Variants in ALK observed in about 807,000 individuals in gnomAD.
ALK encodes ALK tyrosine kinase receptor.
Under a neutral mutation model 163.1 loss-of-function variants are expected in ALK, and 74 were observed. The ratio of observed to expected loss-of-function variants is 0.45; its 90% CI spans 0.38 to 0.55. The LOEUF is 0.55. Among genes scored for constraint, ALK ranks in the 20% least tolerant of loss-of-function variants. The probability of loss-of-function intolerance (pLI) is 0.00; values close to 1 mark genes in which losing one functional copy is unlikely to be tolerated. For missense variants in ALK, 2,063 were observed against 2,105.3 expected (o/e 0.98, Z 0.39); for synonymous variants, 960 against 843.2 (o/e 1.14, Z -2.40).
At chr2:29,892,933 G>A (rs1357089268) in intron 1 of ALK, among the ~76,000 whole-genome samples, 1 of 152,110 alleles carries the variant, frequency 6.6e-6, no homozygotes, top group Non-Finnish European at 1.5e-5. Flanking sequence ...CCTTTCCAAG[G>A]TTGACTTGGT....
At chr2:29,631,529 GA>G (rs1449772843) in intron 3 of ALK, among the ~76,000 whole-genome samples, 3 of 152,340 alleles carry the variant, frequency 2.0e-5, no homozygotes, top group Non-Finnish European at 4.4e-5. Context: ...ACTGGAACAG[GA>G]GTTGGAAATC....
chr2:29,606,063 G>A (rs1466422144), intron 3 of ALK, among the ~76,000 whole-genome samples: 1 of 151,906 alleles, frequency 6.6e-6, no homozygotes, highest in Non-Finnish European at 1.5e-5. Flanking sequence ...CCTCACAAGT[G>A]CTCTTTTATT....
At chr2:29,200,658 C>T (rs997195636) in intron 26 of ALK, among the ~76,000 whole-genome samples, 2 of 145,104 alleles carry the variant, frequency 1.4e-5, no homozygotes, top group South Asian at 2.1e-4. Context: ...TAAGCCTGCC[C>T]TAAACAGGAG....
At chr2:29,222,470 C>T (rs371772501) in intron 21 of ALK, 47 bp downstream of exon 21, 26 of 1,613,044 alleles carry the variant, frequency 1.6e-5, no homozygotes, top group East Asian at 4.5e-5. Flanking sequence ...CTGCAGCCTA[C>T]AGAGTCCGCA....
chr2:29,229,920 T>G (rs1664145453), intron 15 of ALK, among the ~76,000 whole-genome samples: 1 of 152,302 alleles, frequency 6.6e-6, no homozygotes, highest in South Asian at 2.1e-4. Context: ...TCCCAATGCC[T>G]GGGGCTGCTT....
chr2:29,538,619 G>C (rs1202790336), intron 3 of ALK, among the ~76,000 whole-genome samples: 1 of 152,142 alleles, frequency 6.6e-6, no homozygotes, highest in Non-Finnish European at 1.5e-5. Flanking sequence ...AGTGACACAA[G>C]CATGAACTAA....
intron 11 of ALK, among the ~76,000 whole-genome samples, chr2:29,263,563 T>G (rs1665140633): frequency 6.6e-6 from 1 of 152,232 alleles, no homozygotes; most frequent in Non-Finnish European, 1.5e-5. Flanking sequence ...GATCCAAATT[T>G]CAGGGGCAGA....
At position 29,921,466 on chromosome 2, in the gene ALK, G is replaced by C. The variant is rs1414245047; in HGVS notation, c.-807C>G. 1 of 232,062 alleles carries C rather than the reference G, an allele frequency of 4.3e-6. No individual in the cohort carries two copies. Among genetic ancestry groups the C allele is most frequent in the Admixed American group, 5.6e-5 (1 of 17,746 alleles). 14.4% of individuals were successfully genotyped at this position (232,062 alleles called of 1,614,324 possible). On this transcript the variant is annotated 5_prime_UTR_variant, in exon 1 of 29. Coordinates refer to ENST00000389048, the MANE Select transcript of ALK (RefSeq NM_004304.5). The stretch of plus-strand genomic sequence containing the variant: ...ACCCATCATCAGCGCCCGCGGCTTT[G>C]GGTGGCCGACCAGAGGGCGGCCGGA...
intron 3 of ALK, among the ~76,000 whole-genome samples, chr2:29,690,400 C>T (rs1298735389): frequency 1.3e-5 from 2 of 152,242 alleles, no homozygotes; most frequent in Non-Finnish European, 2.9e-5. Flanking sequence ...ATCTTTTCTG[C>T]GTGTGCCCAT....
At chr2:29,474,826 A>C (rs1671464049) in intron 4 of ALK, among the ~76,000 whole-genome samples, 1 of 152,142 alleles carries the variant, frequency 6.6e-6, no homozygotes. Context: ...GAGGTGGAGC[A>C]AGGGGTGGTT....
At chr2:29,478,992 G>A (rs147954293) in intron 4 of ALK, among the ~76,000 whole-genome samples, 26 of 152,290 alleles carry the variant, frequency 1.7e-4, no homozygotes, top group African/African-American at 4.3e-4. Context: ...AGTGAATGCC[G>A]TCTAATGAAG....
intron 12 of ALK, 85 bp downstream of exon 12, chr2:29,251,018 ACC>A: frequency 7.2e-7 from 1 of 1,394,188 alleles, no homozygotes; most frequent in Non-Finnish European, 9.8e-7. Context: ...ATGCCTGGGC[ACC>A]CCAGGAACAT....
intron 1 of ALK, among the ~76,000 whole-genome samples, chr2:29,910,209 C>A (rs72798440): frequency 0.048 from 7,258 of 151,966 alleles, 326 homozygotes; most frequent in East Asian, 0.16. Flanking sequence ...AGCTGAAAAT[C>A]AATACAGTAT....
rs1229730295 is a variant in ALK at position 29,615,300 on chromosome 2, A to T, written c.952+79550T>A. Among the ~76,000 whole-genome samples the T allele has an allele frequency of 2.0e-5, 3 of 152,272 alleles. No homozygotes were observed. In the East Asian group the frequency reaches 5.8e-4, roughly 29 times the overall value. The stretch of plus-strand genomic sequence containing the variant: ...GCACCCCTGACTCTTGTCCTAGGGT[A>T]AAGCTAACCCCTCTTTCTTCTGTTC... On this transcript the variant is annotated intron_variant, in intron 3 of 28. Transcript: ENST00000389048.
At chr2:29,717,158 C>G (rs1573579538) in intron 2 of ALK, among the ~76,000 whole-genome samples, 1 of 107,104 alleles carries the variant, frequency 9.3e-6, no homozygotes, top group Non-Finnish European at 1.8e-5. Flanking sequence ...GGCGACAGAG[C>G]AAGACTCTGT....
chr2:29,232,456 G>C lies in ALK; in HGVS notation c.2488-8C>G, dbSNP rs1244099578. The C allele has an allele frequency of 3.1e-5, 50 of 1,614,078 alleles. No individual in the cohort carries two copies. The highest frequency in any genetic ancestry group is 4.1e-5 in the Non-Finnish European group (48 of 1,180,032). ...CGGCACTCCATCCTTCATCTGACCA[G>C]GGGAGACATTCAGACATTGAGAAAC... On this transcript the variant is annotated splice_region_variant and splice_polypyrimidine_tract_variant and intron_variant, in intron 14 of 28. Transcript: ENST00000389048.
intron 28 of ALK, 59 bp downstream of exon 28, chr2:29,196,711 C>T (rs2148141552): frequency 3.2e-6 from 4 of 1,238,380 alleles, no homozygotes; most frequent in Non-Finnish European, 4.8e-6. Flanking sequence ...TCGGTATTTG[C>T]CATCTTTAAG....
At chr2:29,780,103 G>T (rs1313938419) in intron 1 of ALK, among the ~76,000 whole-genome samples, 1 of 152,192 alleles carries the variant, frequency 6.6e-6, no homozygotes, top group Non-Finnish European at 1.5e-5. Context: ...CAAAAACGCA[G>T]ACTGAAGATT....
chr2:29,766,515 A>T (rs1018554953), intron 1 of ALK, among the ~76,000 whole-genome samples: 4 of 152,152 alleles, frequency 2.6e-5, no homozygotes, highest in Admixed American at 1.3e-4. Flanking sequence ...ATTCATCAAG[A>T]CATACCCTAG....
Sources: gnomAD v4.1 joint callset for allele counts (sites outside exome capture counted in the v4.1 genomes callset) on GRCh38, gnomAD v4.1.1 for gene constraint, MANE v1.5 for transcripts, NCBI Gene and HGNC (gene_info 2026-07-23, HGNC 2026-07-21) for gene names.